RARB: variants seen among roughly 807,000 people sequenced by gnomAD.
RARB encodes HBV-activated protein.
In RARB, 17 loss-of-function variants were observed where a neutral mutation model predicts 51.9. That is an observed-to-expected ratio of 0.33 (90% CI 0.22 to 0.49). The LOEUF (loss-of-function observed/expected upper bound fraction) is 0.49, where lower values mean the gene tolerates loss of function less well. Ranked by LOEUF, RARB falls within the 20% of genes least tolerant of loss-of-function variation. RARB has a pLI of 0.99. For synonymous variants in RARB, 215 were observed against 195.4 expected, an observed-to-expected ratio of 1.10 and a Z score of -0.84; for missense variants, 369 against 550.8, an observed-to-expected ratio of 0.67 and a Z score of 3.30.
chr3:25,426,593 A>C (rs1319351582), upstream of RARB, among the ~76,000 whole-genome samples: 1 of 152,256 alleles, frequency 6.6e-6, no homozygotes, highest in African/African-American at 2.4e-5. Context: ...ATCCACAAAA[A>C]GGAGACTGGA....
intron 5 of RARB, among the ~76,000 whole-genome samples, chr3:25,585,037 C>T (rs1365181612): frequency 6.6e-6 from 1 of 151,794 alleles, no homozygotes; most frequent in Non-Finnish European, 1.5e-5. Context: ...AATGTGGGCT[C>T]TGAAACTAGC....
intron 3 of RARB, among the ~76,000 whole-genome samples, chr3:25,068,922 T>G (rs1015466039): frequency 6.6e-6 from 1 of 151,338 alleles, no homozygotes; most frequent in African/African-American, 2.4e-5. Context: ...CCATAAACTT[T>G]ATGAAAAAGG....
chr3:25,561,439 C>G (rs990727241), intron 3 of RARB, among the ~76,000 whole-genome samples: 11 of 152,214 alleles, frequency 7.2e-5, no homozygotes, highest in Middle Eastern at 3.4e-3. Context: ...AAACTATAAG[C>G]TTTTGTTACT....
chr3:24,981,349 T>A (rs1268697911), intron 2 of RARB, among the ~76,000 whole-genome samples: 1 of 152,194 alleles, frequency 6.6e-6, no homozygotes, highest in Non-Finnish European at 1.5e-5. Context: ...GTCTGCTGCC[T>A]TTTGTTTAGT....
intron 5 of RARB, among the ~76,000 whole-genome samples, chr3:25,239,017 T>G (rs946265446): frequency 6.1e-4 from 93 of 152,318 alleles, no homozygotes; most frequent in African/African-American, 2.2e-3. Flanking sequence ...GGTAGGATGA[T>G]AGCTCATTGT....
At chr3:24,837,529 T>G (rs1471685773) in intron 1 of RARB, among the ~76,000 whole-genome samples, 2 of 152,220 alleles carry the variant, frequency 1.3e-5, no homozygotes, top group African/African-American at 4.8e-5. Flanking sequence ...GCTTTTTGCT[T>G]GCTTCACATA....
At chr3:25,065,067 C>G (rs180678054) in intron 3 of RARB, among the ~76,000 whole-genome samples, 1 of 151,410 alleles carries the variant, frequency 6.6e-6, no homozygotes, top group African/African-American at 2.4e-5. Context: ...TGGTACACCT[C>G]GGGATTTTTA....
chr3:24,836,126 G>A (rs1702342071), intron 1 of RARB, among the ~76,000 whole-genome samples: 1 of 152,192 alleles, frequency 6.6e-6, no homozygotes, highest in Non-Finnish European at 1.5e-5. Flanking sequence ...TGTGGATAAT[G>A]CTAGATCTGA....
chr3:25,071,323 T>G (rs879725714), intron 3 of RARB, among the ~76,000 whole-genome samples: 1 of 152,236 alleles, frequency 6.6e-6, no homozygotes, highest in South Asian at 2.1e-4. Context: ...ACAGTTACTT[T>G]GGCTGTAAAA....
chr3:24,870,736 C>A (rs919068164), intron 2 of RARB, among the ~76,000 whole-genome samples: 6 of 152,014 alleles, frequency 3.9e-5, no homozygotes, highest in African/African-American at 1.4e-4. Flanking sequence ...ATTAAGAACT[C>A]TAGTACACTT....
intron 5 of RARB, among the ~76,000 whole-genome samples, chr3:25,592,666 A>G (rs149136571): frequency 4.9e-4 from 74 of 152,356 alleles, no homozygotes; most frequent in African/African-American, 1.7e-3. Flanking sequence ...CAGGGGGCCA[A>G]CAGGGTTATG....
intron 2 of RARB, among the ~76,000 whole-genome samples, chr3:24,893,823 C>A (rs1703431808): frequency 6.6e-6 from 1 of 152,178 alleles, no homozygotes. Flanking sequence ...CCGTGCCCAG[C>A]TGTAAAATTG....
intron 5 of RARB, among the ~76,000 whole-genome samples, chr3:25,378,574 TC>T (rs1706535125): frequency 6.6e-6 from 1 of 152,226 alleles, no homozygotes; most frequent in South Asian, 2.1e-4. Context: ...CCTACATTCC[TC>T]TGTATGTTCT....
chr3:25,273,834 C>A (rs939860706), intron 5 of RARB, among the ~76,000 whole-genome samples: 1 of 152,198 alleles, frequency 6.6e-6, no homozygotes, highest in Non-Finnish European at 1.5e-5. Flanking sequence ...CACCTAACAT[C>A]AAGGCATCCT....
chr3:25,460,428 T>TTATATTTATTTATTTA, intron 1 of RARB, among the ~76,000 whole-genome samples: 1 of 145,674 alleles, frequency 6.9e-6, no homozygotes, highest in African/African-American at 2.5e-5. Flanking sequence ...ATTTTAAAAT[T>TTATATTTATTTATTTA]TTTATTTATT....
chr3:24,901,490 C>T (rs1265950355), intron 2 of RARB, among the ~76,000 whole-genome samples: 1 of 152,192 alleles, frequency 6.6e-6, no homozygotes, highest in African/African-American at 2.4e-5. Context: ...ATCCTCCTGC[C>T]TCAACCTCTC....
chr3:24,969,551 ATT>A (rs1392370651), intron 2 of RARB, among the ~76,000 whole-genome samples: 1 of 152,050 alleles, frequency 6.6e-6, no homozygotes, highest in Non-Finnish European at 1.5e-5. Context: ...ATGTGAGGTT[ATT>A]CTGTCTCTTT....
At chr3:25,382,001 G>A (rs960752154) in intron 5 of RARB, among the ~76,000 whole-genome samples, 6 of 152,098 alleles carry the variant, frequency 3.9e-5, no homozygotes, top group East Asian at 1.9e-4. Flanking sequence ...TAAAGTCCAC[G>A]TTGTCATCTT....
chr3:25,268,317 GGT>G (rs1275664043), intron 5 of RARB, among the ~76,000 whole-genome samples: 3 of 151,668 alleles, frequency 2.0e-5, no homozygotes, highest in African/African-American at 4.8e-5. Flanking sequence ...GACCTATTCA[GGT>G]GTGGCTAAAT....
Sources: gnomAD v4.1 joint callset for allele counts (sites outside exome capture counted in the v4.1 genomes callset) on GRCh38, gnomAD v4.1.1 for gene constraint, MANE v1.5 for transcripts, NCBI Gene and HGNC (gene_info 2026-07-23, HGNC 2026-07-21) for gene names.